Variants in PRIM2 observed in about 807,000 individuals in gnomAD.
The protein encoded by PRIM2 is DNA primase large subunit.
A neutral mutation model predicts 67.3 loss-of-function variants in PRIM2; 39 were observed. The ratio of observed to expected loss-of-function variants is 0.58; its 90% CI spans 0.45 to 0.76. The LOEUF (loss-of-function observed/expected upper bound fraction) is 0.76, where lower values mean the gene tolerates loss of function less well. Among genes scored for constraint, PRIM2 ranks in the 30% least tolerant of loss-of-function variants. The pLI, the probability that PRIM2 is intolerant of heterozygous loss-of-function variation, is 0.00. For synonymous variants in PRIM2, 143 were observed against 198.7 expected (o/e 0.72, Z 2.36); for missense variants, 398 against 598.7 (o/e 0.66, Z 3.50).
At chr6:57,275,617 T>A in the PRIM2 span, among the ~76,000 whole-genome samples, 1 of 152,236 alleles carries the variant, frequency 6.6e-6, no homozygotes, top group African/African-American at 2.4e-5. Context: ...ACAGGACAAT[T>A]TCGTGTCATC....
At chr6:57,349,674 C>T (rs573687152) in intron 5 of PRIM2, among the ~76,000 whole-genome samples, 6 of 151,990 alleles carry the variant, frequency 3.9e-5, no homozygotes, top group Admixed American at 6.6e-5. Context: ...TACATTCTTG[C>T]GTGTAGTATT....
At chr6:57,245,499 A>G in the PRIM2 span, among the ~76,000 whole-genome samples, 75 of 152,310 alleles carry the variant, frequency 4.9e-4, no homozygotes, top group African/African-American at 1.7e-3. Context: ...AAGTTAGCTC[A>G]GGGAACTGCA....
At chr6:57,252,979 A>T in the PRIM2 span, among the ~76,000 whole-genome samples, 13 of 152,320 alleles carry the variant, frequency 8.5e-5, no homozygotes, top group Non-Finnish European at 1.5e-5. Flanking sequence ...TATTAGAATA[A>T]AGACAACATT....
chr6:57,571,879 T>C (rs1775870301), intron 10 of PRIM2, among the ~76,000 whole-genome samples: 2 of 152,180 alleles, frequency 1.3e-5, no homozygotes, highest in Admixed American at 6.5e-5. Context: ...CCTGAATTGT[T>C]TCAGTCATCA....
rs567632800 is a variant in PRIM2 at position 57,325,837 on chromosome 6, A to T, written c.339-88A>T. 3.7e-4 allele frequency: 500 copies of T among 1,341,142 alleles called. 8 individuals are homozygous for T. The Middle Eastern group carries it at 4.6e-3, about 12-fold the overall frequency. The allele number at this position is 1,341,142 out of a possible 1,614,324, so 83.1% of individuals were successfully genotyped here. ...ACTGCTGTCCATTGGCATCTTGCTG[A>T]TGTTTGAATATTGTTTTATAAACAT... is the stretch of plus-strand genomic sequence containing the variant. On this transcript the variant is annotated intron_variant, in intron 4 of 13. Coordinates refer to ENST00000615550, the MANE Select transcript of PRIM2 (RefSeq NM_000947.5).
chr6:57,625,725 A>T lies in PRIM2; in HGVS notation c.1231-6408A>T, dbSNP rs1776939195. 5.9e-5 allele frequency among the ~76,000 whole-genome samples: 9 copies of T among 152,344 alleles called. No homozygotes were observed. In the South Asian group the frequency reaches 1.9e-3, roughly 32 times the overall value. ...TTAATGACATTTGGAAGTAGAATTG[A>T]CTCAGATAACTTTGTTTATAGATAA... On this transcript the variant is annotated intron_variant, in intron 12 of 13. Coordinates refer to ENST00000615550, the MANE Select transcript of PRIM2 (RefSeq NM_000947.5).
chr6:57,352,272 G>A (rs1164945757), intron 5 of PRIM2, among the ~76,000 whole-genome samples: 2 of 152,158 alleles, frequency 1.3e-5, no homozygotes, highest in African/African-American at 4.8e-5. Context: ...CCAGAGTCTC[G>A]CTCTGTTGCC....
chr6:57,518,836 T>A (rs1774543861), intron 8 of PRIM2, among the ~76,000 whole-genome samples: 1 of 152,226 alleles, frequency 6.6e-6, no homozygotes, highest in South Asian at 2.1e-4. Context: ...GTACTTTCTA[T>A]TCCTCTGTGT....
the PRIM2 span, among the ~76,000 whole-genome samples, chr6:57,270,200 G>A: frequency 6.6e-6 from 1 of 152,038 alleles, no homozygotes; most frequent in Admixed American, 6.5e-5. Context: ...GGATGGCATT[G>A]AATCTATAAA....
chr6:57,559,127 G>A (rs1346264189), intron 10 of PRIM2, among the ~76,000 whole-genome samples: 14 of 144,696 alleles, frequency 9.7e-5, no homozygotes, highest in East Asian at 2.0e-4. Context: ...GACACCCTGC[G>A]TCTTAAAGAA....
chr6:57,603,806 A>G (rs1446267106), intron 11 of PRIM2, among the ~76,000 whole-genome samples: 2 of 151,488 alleles, frequency 1.3e-5, no homozygotes, highest in African/African-American at 2.4e-5. Flanking sequence ...GATTCTTCCA[A>G]TCCATGAGCA....
At chr6:57,480,182 G>T (rs1231770487) in intron 7 of PRIM2, among the ~76,000 whole-genome samples, 2 of 152,232 alleles carry the variant, frequency 1.3e-5, no homozygotes, top group Non-Finnish European at 2.9e-5. Flanking sequence ...GTGGAACAGT[G>T]TGAGGAGGTT....
the PRIM2 span, among the ~76,000 whole-genome samples, chr6:57,305,669 G>C: frequency 6.6e-6 from 1 of 152,096 alleles, no homozygotes; most frequent in Non-Finnish European, 1.5e-5. Flanking sequence ...CTTTTATTAG[G>C]CTCCTTTGTT....
chr6:57,591,123 A>G (rs1776275378), intron 10 of PRIM2, among the ~76,000 whole-genome samples: 1 of 152,210 alleles, frequency 6.6e-6, no homozygotes, highest in Non-Finnish European at 1.5e-5. Context: ...TAAGAGTTAA[A>G]GGGAAGTATT....
intron 10 of PRIM2, among the ~76,000 whole-genome samples, chr6:57,569,754 C>T (rs1179942651): frequency 5.5e-5 from 8 of 146,160 alleles, no homozygotes; most frequent in Non-Finnish European, 1.1e-4. Flanking sequence ...CTTTTCTTTT[C>T]TTTTTTTTTT....
intron 12 of PRIM2, among the ~76,000 whole-genome samples, chr6:57,628,498 T>A (rs1288570121): frequency 1.4e-4 from 21 of 152,278 alleles, no homozygotes; most frequent in African/African-American, 5.1e-4. Context: ...TTTTTAAAAA[T>A]TTTTATTTTA....
chr6:57,311,706 G>C (rs1333056246), upstream of PRIM2, among the ~76,000 whole-genome samples: 1 of 152,000 alleles, frequency 6.6e-6, no homozygotes, highest in Non-Finnish European at 1.5e-5. Flanking sequence ...GTAGCGAGCC[G>C]AGATCAAGCC....
At chr6:57,598,660 G>A (rs1776409603) in intron 10 of PRIM2, among the ~76,000 whole-genome samples, 1 of 151,998 alleles carries the variant, frequency 6.6e-6, no homozygotes, top group Non-Finnish European at 1.5e-5. Context: ...GCCAAGGTGG[G>A]AGGATTGCTT....
Position 57,433,365 on chromosome 6 carries a change from A to G in PRIM2, c.693+51197A>G, listed in dbSNP as rs1399737990. Among the ~76,000 whole-genome samples the G allele has an allele frequency of 5.3e-5, 8 of 150,824 alleles. No individual in the cohort carries two copies. In the East Asian group the frequency reaches 1.2e-3, roughly 22 times the overall value. The stretch of plus-strand genomic sequence containing the variant: ...TAACGCGTCATTTAGTATTAGGTAT[A>G]TCTCCTAATGCTATCCCTCCCCCCT... On this transcript the variant is annotated intron_variant, in intron 7 of 13. Coordinates refer to ENST00000615550, the MANE Select transcript of PRIM2 (RefSeq NM_000947.5).
Sources: allele counts gnomAD v4.1 joint callset (sites outside exome capture counted in the v4.1 genomes callset), GRCh38; gene constraint gnomAD v4.1.1; transcripts MANE v1.5; gene names NCBI Gene and HGNC (gene_info 2026-07-23, HGNC 2026-07-21).